The following TMEM108 variants were observed in gnomAD, a reference collection of about 807,000 sequenced individuals.
The protein encoded by TMEM108 is cancer/testis antigen 124.
A neutral mutation model predicts 35.1 loss-of-function variants in TMEM108; 12 were observed. The observed-to-expected ratio is 0.34, with a 90% CI of 0.22 to 0.55. The LOEUF (loss-of-function observed/expected upper bound fraction) is 0.55. Among genes scored for constraint, TMEM108 ranks in the 20% least tolerant of loss-of-function variants. The pLI, the probability that TMEM108 is intolerant of heterozygous loss-of-function variation, is 0.89. For missense variants in TMEM108, 680 were observed against 753.3 expected (o/e 0.90, Z 1.14); for synonymous variants, 287 against 308.6 (o/e 0.93, Z 0.73).
At chr3:133,178,833 T>G (rs913128297) in intron 2 of TMEM108, among the ~76,000 whole-genome samples, 2 of 152,128 alleles carry the variant, frequency 1.3e-5, no homozygotes, top group Admixed American at 1.3e-4. Context: ...CTAAAGAGCT[T>G]CTGCACAGTA....
At chr3:133,194,575 GTT>G (rs397875801) in intron 2 of TMEM108, among the ~76,000 whole-genome samples, 2 of 143,606 alleles carry the variant, frequency 1.4e-5, no homozygotes, top group Non-Finnish European at 1.5e-5. Flanking sequence ...AAATTCCATG[GTT>G]TTTTTTTTTT....
intron 3 of TMEM108, among the ~76,000 whole-genome samples, chr3:133,355,690 T>C (rs1335705299): frequency 2.0e-5 from 3 of 152,128 alleles, no homozygotes; most frequent in African/African-American, 7.2e-5. Context: ...CACGGAGCAG[T>C]TGAAACTAGG....
chr3:133,293,344 C>G (rs1947099345), intron 3 of TMEM108, among the ~76,000 whole-genome samples: 1 of 150,766 alleles, frequency 6.6e-6, no homozygotes, highest in Non-Finnish European at 1.5e-5. Flanking sequence ...TTCTTTGTAT[C>G]TGTTCCCAAG....
chr3:133,322,495 G>A (rs879306192), intron 3 of TMEM108, among the ~76,000 whole-genome samples: 1 of 152,076 alleles, frequency 6.6e-6, no homozygotes, highest in Non-Finnish European at 1.5e-5. Flanking sequence ...AGTCTGAACG[G>A]ACCAATAACA....
At chr3:133,243,676 A>G (rs1559880008) in intron 3 of TMEM108, among the ~76,000 whole-genome samples, 1 of 151,710 alleles carries the variant, frequency 6.6e-6, no homozygotes, top group Non-Finnish European at 1.5e-5. Flanking sequence ...GCCTGCCACC[A>G]CGCCCGGCTA....
At chr3:133,242,806 C>G (rs1444823487) in intron 3 of TMEM108, among the ~76,000 whole-genome samples, 3 of 152,178 alleles carry the variant, frequency 2.0e-5, no homozygotes, top group Admixed American at 6.5e-5. Context: ...GATGTTCTCT[C>G]AAAGTCACAC....
intron 4 of TMEM108, 72 bp downstream of exon 4, chr3:133,381,233 C>T (rs2073004771): frequency 6.8e-7 from 1 of 1,476,600 alleles, no homozygotes; most frequent in Admixed American, 2.3e-5. Context: ...ATTCCTTTGT[C>T]CCTGATTTGG....
intron 3 of TMEM108, among the ~76,000 whole-genome samples, chr3:133,378,979 A>G (rs2072923490): frequency 6.6e-6 from 1 of 152,106 alleles, no homozygotes; most frequent in South Asian, 2.1e-4. Context: ...AGGCTGTGCT[A>G]AGTGCTTTTA....
At chr3:133,251,818 G>C (rs1946476484) in intron 3 of TMEM108, among the ~76,000 whole-genome samples, 1 of 152,120 alleles carries the variant, frequency 6.6e-6, no homozygotes, top group East Asian at 1.9e-4. Context: ...GTGAATCTTG[G>C]ATAGTCAACT....
intron 3 of TMEM108, among the ~76,000 whole-genome samples, chr3:133,318,838 A>G (rs568935959): frequency 6.6e-6 from 1 of 151,856 alleles, no homozygotes; most frequent in South Asian, 2.1e-4. Context: ...ATTTTGTTCC[A>G]GGAACCACTG....
chr3:133,072,572 A>G (rs915480138), intron 2 of TMEM108, among the ~76,000 whole-genome samples: 1 of 152,114 alleles, frequency 6.6e-6, no homozygotes, highest in Admixed American at 6.5e-5. Flanking sequence ...AGAATACCCC[A>G]CGGAAGTTAT....
At position 133,381,035 on chromosome 3, in the gene TMEM108, G is replaced by A. The variant is rs1388013535; in HGVS notation, c.1324G>A (p.Gly442Arg). 1 of 1,614,184 alleles carries A rather than the reference G, an allele frequency of 6.2e-7. No homozygotes were observed. Among genetic ancestry groups the A allele is most frequent in the Admixed American group, 1.7e-5 (1 of 60,024 alleles). The change falls in exon 4 of 6, where the codon GGG (glycine) becomes AGG (arginine). Residue 442 changes from glycine (G) to arginine (R), a missense_variant. By Grantham distance (125) the Gly-to-Arg change is moderately radical. Transcript: ENST00000321871. ...GGTCCCCGCCGGGACCTGGAAGCCT[G>A]GGACAGCAGGGAACATCTCCCATGT... Reference protein sequence around the residue: ...RLVPAGTWKPGTAGNISHVAE... With the variant: ...RLVPAGTWKPRTAGNISHVAE...
At chr3:133,354,552 G>T (rs2072104336) in intron 3 of TMEM108, among the ~76,000 whole-genome samples, 1 of 152,174 alleles carries the variant, frequency 6.6e-6, no homozygotes, top group Non-Finnish European at 1.5e-5. Context: ...CTGTGAATTA[G>T]CATAAGATAG....
intron 3 of TMEM108, among the ~76,000 whole-genome samples, chr3:133,352,921 CG>C (rs749368344): frequency 1.3e-5 from 2 of 152,116 alleles, no homozygotes; most frequent in African/African-American, 4.8e-5. Context: ...TCAGGGGTTC[CG>C]GCTGAAAGTT....
At chr3:133,148,013 T>C (rs1944746269) in intron 2 of TMEM108, among the ~76,000 whole-genome samples, 2 of 152,222 alleles carry the variant, frequency 1.3e-5, no homozygotes, top group African/African-American at 4.8e-5. Flanking sequence ...TATGAACTCC[T>C]GTTATTTTAA....
chr3:133,073,405 A>G (rs1250967385), intron 2 of TMEM108, among the ~76,000 whole-genome samples: 4 of 143,024 alleles, frequency 2.8e-5, no homozygotes, highest in African/African-American at 1.0e-4. Context: ...GGCTTATTTC[A>G]CTTAACATAG....
At chr3:133,236,030 A>G (rs540176205) in intron 3 of TMEM108, among the ~76,000 whole-genome samples, 55 of 152,266 alleles carry the variant, frequency 3.6e-4, no homozygotes, top group African/African-American at 1.3e-3. Context: ...TACTTTGTTA[A>G]GAAGACTAAG....
chr3:133,253,825 G>A (rs1946506104), intron 3 of TMEM108, among the ~76,000 whole-genome samples: 3 of 151,950 alleles, frequency 2.0e-5, no homozygotes, highest in Admixed American at 2.0e-4. Flanking sequence ...GCATCTCTTG[G>A]GCATATTGCA....
At chr3:133,068,736 G>A (rs1482050767) in intron 2 of TMEM108, among the ~76,000 whole-genome samples, 2 of 152,168 alleles carry the variant, frequency 1.3e-5, no homozygotes, top group African/African-American at 2.4e-5. Context: ...TACCTGTGAG[G>A]ATATAAAGTG....
Sources: gnomAD v4.1 joint callset for allele counts (sites outside exome capture counted in the v4.1 genomes callset) on GRCh38, gnomAD v4.1.1 for gene constraint, MANE v1.5 for transcripts, NCBI Gene and HGNC (gene_info 2026-07-23, HGNC 2026-07-21) for gene names.